Variants in SLC4A1AP observed in about 807,000 individuals in gnomAD.
SLC4A1AP encodes solute carrier family 4 member 1 adaptor protein.
A neutral mutation model predicts 89.7 loss-of-function variants in SLC4A1AP; 64 were observed. That is an observed-to-expected ratio of 0.71 (90% CI 0.58 to 0.88). The LOEUF is 0.88. SLC4A1AP is among the 40% of genes least tolerant of loss of function. The probability of loss-of-function intolerance (pLI) is 0.00; values close to 1 mark genes in which losing one functional copy is unlikely to be tolerated. For missense variants in SLC4A1AP, 931 were observed against 965.0 expected, an observed-to-expected ratio of 0.96 and a Z score of 0.47; for synonymous variants, 366 against 353.3, an observed-to-expected ratio of 1.04 and a Z score of -0.40.
intron 12 of SLC4A1AP, chr2:27,691,969 C>T (rs1162844093): frequency 6.7e-6 from 1 of 148,486 alleles, no homozygotes; most frequent in Non-Finnish European, 1.5e-5. Context: ...AGACTTTTCT[C>T]TCTCTCTCTC....
intron 8 of SLC4A1AP, among the ~76,000 whole-genome samples, chr2:27,681,928 T>G (rs1675625667): frequency 6.6e-6 from 1 of 152,200 alleles, no homozygotes; most frequent in Admixed American, 6.5e-5. Context: ...TGGATCAATC[T>G]CCTGCTGCTT....
chr2:27,668,817 T>C, intron 3 of SLC4A1AP, 26 bp from the exon 4 acceptor site: 1 of 1,606,770 alleles, frequency 6.2e-7, no homozygotes, highest in Non-Finnish European at 8.5e-7. Context: ...TCTATTAAAA[T>C]TGTTTTGTCT....
intron 8 of SLC4A1AP, among the ~76,000 whole-genome samples, chr2:27,680,648 G>A (rs1033994845): frequency 1.3e-5 from 2 of 151,920 alleles, no homozygotes; most frequent in Admixed American, 6.6e-5. Context: ...ACTTAGCTGG[G>A]TATGGTGGTG....
intron 7 of SLC4A1AP, 67 bp downstream of exon 7, chr2:27,677,431 C>T (rs1472430556): frequency 3.8e-6 from 4 of 1,060,720 alleles, no homozygotes; most frequent in South Asian, 1.4e-5. Flanking sequence ...ACTGGGGCTA[C>T]ATTAGTTAAT....
chr2:27,665,961 G>C (rs1675311687), intron 2 of SLC4A1AP, among the ~76,000 whole-genome samples: 1 of 152,136 alleles, frequency 6.6e-6, no homozygotes, highest in South Asian at 2.1e-4. Context: ...ACAGTCACTG[G>C]GGACTTAGAC....
intron 5 of SLC4A1AP, among the ~76,000 whole-genome samples, chr2:27,672,219 AT>A (rs1430465080): frequency 6.6e-6 from 1 of 152,072 alleles, no homozygotes; most frequent in African/African-American, 2.4e-5. Flanking sequence ...CAATTATGTC[AT>A]TAATTGTTTC....
intron 13 of SLC4A1AP, 117 bp downstream of exon 13, chr2:27,693,871 A>G (rs1198198032): frequency 1.2e-5 from 8 of 678,310 alleles, no homozygotes; most frequent in Non-Finnish European, 9.3e-6. Flanking sequence ...GATAATTTGT[A>G]TACCATGTTT....
Position 27,667,258 on chromosome 2 carries a change from T to C in SLC4A1AP, c.1022-10T>C. On this transcript the variant is annotated splice_polypyrimidine_tract_variant and intron_variant, in intron 2 of 13. Coordinates refer to ENST00000613058, the Ensembl canonical transcript of SLC4A1AP. Reference sequence around the variant, plus strand: ...CTGATTATCTTTTCTTTCTTTTCCATATCCTGTAGGAGAAGATGCAGTAGA... The same window carrying C: ...CTGATTATCTTTTCTTTCTTTTCCACATCCTGTAGGAGAAGATGCAGTAGA... 1.2e-6 allele frequency: 2 copies of C among 1,601,236 alleles called. No homozygotes were observed. Among genetic ancestry groups the C allele is most frequent in the Non-Finnish European group, 1.7e-6 (2 of 1,175,378 alleles).
chr2:27,688,159 G>A (rs1675734886), intron 11 of SLC4A1AP, 139 bp downstream of exon 11: 1 of 642,162 alleles, frequency 1.6e-6, no homozygotes, highest in South Asian at 2.1e-5. Flanking sequence ...CCTGGACAAA[G>A]TTGGAACATA....
At chr2:27,693,400 G>C in intron 12 of SLC4A1AP, 1 of 353,242 alleles carries the variant, frequency 2.8e-6, no homozygotes, top group Non-Finnish European at 5.1e-6. Context: ...GCTTTCAAGA[G>C]GTTCTATTCT....
exon 1 of SLC4A1AP, chr2:27,664,000 C>T: frequency 6.2e-7 from 1 of 1,614,248 alleles, no homozygotes; most frequent in Non-Finnish European, 8.5e-7. Context: ...CCGGTGTCCC[C>T]AGCGGCGCGG....
intron 5 of SLC4A1AP, among the ~76,000 whole-genome samples, chr2:27,670,329 T>A (rs923658899): frequency 5.3e-5 from 8 of 151,976 alleles, no homozygotes; most frequent in African/African-American, 1.9e-4. Context: ...TACATTAATA[T>A]GTATCAATAC....
chr2:27,684,661 A>G (rs1287536797), intron 9 of SLC4A1AP, among the ~76,000 whole-genome samples: 1 of 152,174 alleles, frequency 6.6e-6, no homozygotes, highest in Non-Finnish European at 1.5e-5. Flanking sequence ...AGCACAAATG[A>G]CTTATTTCTG....
At chr2:27,680,005 G>C (rs1326320255) in intron 8 of SLC4A1AP, among the ~76,000 whole-genome samples, 2 of 152,142 alleles carry the variant, frequency 1.3e-5, no homozygotes, top group Non-Finnish European at 1.5e-5. Flanking sequence ...CATGGGGCTT[G>C]GGTTTCGATA....
chr2:27,668,497 C>A, intron 3 of SLC4A1AP: 1 of 431,098 alleles, frequency 2.3e-6, no homozygotes. Flanking sequence ...TCGCCCAGGC[C>A]GGAGTGCAAT....
chr2:27,690,155 A>G (rs2148141138), intron 12 of SLC4A1AP, among the ~76,000 whole-genome samples: 1 of 152,340 alleles, frequency 6.6e-6, no homozygotes, highest in Non-Finnish European at 1.5e-5. Flanking sequence ...ACCTATATAT[A>G]TAATTTTTAA....
rs762962037 is a variant in SLC4A1AP, at chr2:27,668,899, G to A, written c.1201G>A (p.Val401Met). ...GGGACATAGCACTTGGCTCTGCAGG[G>A]TGAGGTATGCTCTTTTCTTATTAAT... is the stretch of plus-strand genomic sequence containing the variant. The change falls in exon 4 of 14, where the codon GTG becomes ATG. Residue 401 changes from valine to methionine, a missense_variant. Coordinates refer to ENST00000613058, the Ensembl canonical transcript of SLC4A1AP. The A allele has an allele frequency of 1.8e-5, 29 of 1,613,754 alleles. No homozygotes were observed. Among genetic ancestry groups the A allele is most frequent in the Middle Eastern group, 1.6e-4 (1 of 6,084 alleles).
chr2:27,684,320 C>T (rs954823370), intron 9 of SLC4A1AP, among the ~76,000 whole-genome samples: 3 of 151,220 alleles, frequency 2.0e-5, no homozygotes, highest in Non-Finnish European at 4.4e-5. Flanking sequence ...CCCAGCTACT[C>T]AGGAGGCTGA....
chr2:27,664,835 A>G (rs1675279860), intron 1 of SLC4A1AP, among the ~76,000 whole-genome samples: 2 of 152,082 alleles, frequency 1.3e-5, no homozygotes, highest in South Asian at 2.1e-4. Flanking sequence ...TGGGAGGCCC[A>G]GGCGGGAGGA....
Sources: gnomAD v4.1 joint callset for allele counts (sites outside exome capture counted in the v4.1 genomes callset) on GRCh38, gnomAD v4.1.1 for gene constraint, MANE v1.5 for transcripts, NCBI Gene and HGNC (gene_info 2026-07-23, HGNC 2026-07-21) for gene names.